The following FGFR1 variants were observed in gnomAD, a reference collection of about 807,000 sequenced individuals.
FGFR1 encodes fibroblast growth factor receptor 1.
A neutral mutation model predicts 93.7 loss-of-function variants in FGFR1; 18 were observed. The ratio of observed to expected loss-of-function variants is 0.19; its 90% CI spans 0.13 to 0.28. The LOEUF (loss-of-function observed/expected upper bound fraction) is 0.28, where lower values mean the gene tolerates loss of function less well. Among genes scored for constraint, FGFR1 ranks in the 10% least tolerant of loss-of-function variants. The pLI, the probability that FGFR1 is intolerant of heterozygous loss-of-function variation, is 1.00. For synonymous variants in FGFR1, 448 were observed against 429.3 expected, an observed-to-expected ratio of 1.04 and a Z score of -0.54; for missense variants, 731 against 1,080.4, an observed-to-expected ratio of 0.68 and a Z score of 4.53.
At chr8:38,415,767 T>C (rs1816303799) in intron 13 of FGFR1, 103 bp downstream of exon 13, 3 of 1,143,500 alleles carry the variant, frequency 2.6e-6, no homozygotes, top group East Asian at 2.5e-5. Flanking sequence ...CAGTGCTCAG[T>C]GCATCCACAA....
At chr8:38,432,402 C>T (rs897137109) in intron 2 of FGFR1, among the ~76,000 whole-genome samples, 1 of 150,676 alleles carries the variant, frequency 6.6e-6, no homozygotes, top group Non-Finnish European at 1.5e-5. Context: ...GGAACCATCT[C>T]GGGATAAATT....
Position 38,461,358 on chromosome 8 carries a change from A to G in FGFR1, c.-88-3824T>C, listed in dbSNP as rs1834363815. 15 of 543,326 alleles carry G rather than the reference A, an allele frequency of 2.8e-5. 1 individual carries two copies. The South Asian group carries it at 3.6e-4, about 13-fold the overall frequency. 33.7% of individuals were successfully genotyped at this position (543,326 alleles called of 1,614,324 possible). A position where few individuals can be genotyped will look rare whatever the true frequency, so the allele number is the denominator to read the frequency against. On this transcript the variant is annotated intron_variant, in intron 1 of 17. Coordinates refer to ENST00000447712, the MANE Select transcript of FGFR1 (RefSeq NM_023110.3). ...CAAATCTTTTTATTCTTTCTGAGAC[A>G]GAGTGTTGCTCTGTCACCCAAGCTA... is the stretch of plus-strand genomic sequence containing the variant.
At chr8:38,433,455 C>T (rs1824051263) in intron 2 of FGFR1, among the ~76,000 whole-genome samples, 1 of 152,160 alleles carries the variant, frequency 6.6e-6, no homozygotes, top group Non-Finnish European at 1.5e-5. Flanking sequence ...GGACTACAGG[C>T]ATATGCCACA....
chr8:38,439,931 C>T (rs1398835110), intron 2 of FGFR1, among the ~76,000 whole-genome samples: 2 of 152,184 alleles, frequency 1.3e-5, no homozygotes, highest in East Asian at 1.9e-4. Flanking sequence ...ACTCTACGTT[C>T]TACACTCCAA....
Position 38,414,178 on chromosome 8 carries a change from G to C in FGFR1, c.2160C>G (p.Asp720Glu), listed in dbSNP as rs756938519. ...FKLLKEGHRM[D>E]KPSNCTNELY... is the part of the protein sequence containing the mutation. The stretch of plus-strand genomic sequence containing the variant: ...GCTCGTTGGTGCAGTTACTGGGCTT[G>C]TCCATGCGGTGACCCTCCTTCAGCA... The change falls in exon 16 of 18, where the codon GAC (aspartate) becomes GAG (glutamate). Residue 720 changes from aspartate to glutamate, a missense_variant. This residue lies in a region of FGFR1 where 35 missense variants were observed against 78.0 expected (regional missense o/e 0.45). Transcript: ENST00000447712. 1.2e-6 allele frequency: 2 copies of C among 1,614,200 alleles called. No homozygotes were observed. The highest frequency in any genetic ancestry group is 2.2e-5 in the South Asian group (2 of 91,092).
In FGFR1 at chr8:38,468,493, C is replaced by T. The variant is rs1835996533; in HGVS notation, c.-601G>A. 1 of 228,616 alleles carries T rather than the reference C, an allele frequency of 4.4e-6. No individual in the cohort carries two copies. The highest frequency in any genetic ancestry group is 2.2e-5 in the African/African-American group (1 of 45,162). 14.2% of individuals were successfully genotyped at this position (228,616 alleles called of 1,614,324 possible). A position where few individuals can be genotyped will look rare whatever the true frequency, so the allele number is the denominator to read the frequency against. Reference sequence around the variant, plus strand: ...AATGCGCTACGAGGGGTCTCGGTCCCGTCCGGACGTGGCCGCCCAGCTCCC... The same window carrying T: ...AATGCGCTACGAGGGGTCTCGGTCCTGTCCGGACGTGGCCGCCCAGCTCCC... On this transcript the variant is annotated 5_prime_UTR_variant, in exon 1 of 18. Transcript: ENST00000447712.
Position 38,423,171 on chromosome 8 carries a change from G to T in FGFR1, c.937-1230C>A, listed in dbSNP as rs747250463. ...CTCCGCATCCGAGCTATTAATCCCC[G>T]AATGCTGGAACAAACCAACGACACA... On this transcript the variant is annotated intron_variant, in intron 7 of 17. Transcript: ENST00000447712. 11 of 779,082 alleles carry T rather than the reference G, an allele frequency of 1.4e-5. No homozygotes were observed. The East Asian group carries it at 2.4e-4, about 17-fold the overall frequency. 48.3% of individuals were successfully genotyped at this position (779,082 alleles called of 1,614,324 possible).
intron 2 of FGFR1, chr8:38,434,584 C>T (rs1824560171): frequency 3.9e-6 from 1 of 256,186 alleles, no homozygotes; most frequent in Non-Finnish European, 7.9e-6. Context: ...GGCATTCAAA[C>T]TGGTCCCTTC....
chr8:38,461,104 C>T (rs1219910911), intron 1 of FGFR1: 1 of 1,536,098 alleles, frequency 6.5e-7, no homozygotes, highest in African/African-American at 1.4e-5. Flanking sequence ...GCCTTGCCTC[C>T]ATCACAGGTG....
intron 2 of FGFR1, among the ~76,000 whole-genome samples, chr8:38,444,582 G>A (rs1277695271): frequency 9.4e-6 from 1 of 106,766 alleles, no homozygotes; most frequent in Non-Finnish European, 2.0e-5. Flanking sequence ...TGTAGAGACA[G>A]GGTTTTACCA....
intron 2 of FGFR1, among the ~76,000 whole-genome samples, chr8:38,433,175 A>C (rs984812270): frequency 6.6e-6 from 1 of 152,096 alleles, no homozygotes; most frequent in Non-Finnish European, 1.5e-5. Context: ...TCGTCTCTAC[A>C]AAAAAATTTA....
In FGFR1 at chr8:38,432,912, C is replaced by G. The variant is rs1424203331; in HGVS notation, c.92-2964G>C. On this transcript the variant is annotated intron_variant, in intron 2 of 17. Coordinates refer to ENST00000447712, the MANE Select transcript of FGFR1 (RefSeq NM_023110.3). Reference sequence around the variant, plus strand: ...GGGGCTGTCCCTCCCCACCGCGCCCCCCCCCCTCCCCAGTTGGGATGCTTT... The same window carrying G: ...GGGGCTGTCCCTCCCCACCGCGCCCGCCCCCCTCCCCAGTTGGGATGCTTT... 1.5e-5 allele frequency among the ~76,000 whole-genome samples: 2 copies of G among 135,348 alleles called. 1 individual carries two copies. Among genetic ancestry groups the G allele is most frequent in the Non-Finnish European group, 3.3e-5 (2 of 60,620 alleles). 88.8% of individuals were successfully genotyped at this position (135,348 alleles called of 152,430 possible). A position where few individuals can be genotyped will look rare whatever the true frequency, so the allele number is the denominator to read the frequency against.
chr8:38,414,731 G>C (rs2150557301), intron 14 of FGFR1, 48 bp downstream of exon 14: 1 of 1,613,668 alleles, frequency 6.2e-7, no homozygotes, highest in Non-Finnish European at 8.5e-7. Context: ...CCCACTCCTT[G>C]CTTCTCAGAT....
intron 2 of FGFR1, among the ~76,000 whole-genome samples, chr8:38,446,205 CTTTTTTTTTT>C (rs773129271): frequency 7.8e-6 from 1 of 127,776 alleles, no homozygotes; most frequent in Non-Finnish European, 1.6e-5. Context: ...CCTCTCCCAC[CTTTTTTTTTT>C]TTTTTTTTTT....
chr8:38,448,967 T>C (rs1830245541), intron 2 of FGFR1, among the ~76,000 whole-genome samples: 1 of 152,036 alleles, frequency 6.6e-6, no homozygotes, highest in Admixed American at 6.6e-5. Flanking sequence ...AAGGGCATGG[T>C]GGCTCATGCC....
rs1256457630 is a variant in FGFR1, at chr8:38,460,718, T to G, written c.-88-3184A>C. 5.9e-5 allele frequency among the ~76,000 whole-genome samples: 9 copies of G among 152,074 alleles called. No homozygotes were observed. The East Asian group carries it at 1.7e-3, about 29-fold the overall frequency. Reference sequence around the variant, plus strand: ...AACCTGGCCTCCTGGCACCAACTCCTGGAATAAGAAGTCAGCATACACCCC... The same window carrying G: ...AACCTGGCCTCCTGGCACCAACTCCGGGAATAAGAAGTCAGCATACACCCC... On this transcript the variant is annotated intron_variant, in intron 1 of 17. Coordinates refer to ENST00000447712, the MANE Select transcript of FGFR1 (RefSeq NM_023110.3).
chr8:38,434,047 C>T (rs1824274452), intron 2 of FGFR1, among the ~76,000 whole-genome samples: 1 of 152,224 alleles, frequency 6.6e-6, no homozygotes. Context: ...GCTTCTTTCA[C>T]TTAGCATGTG....
intron 2 of FGFR1, among the ~76,000 whole-genome samples, chr8:38,431,122 T>C (rs1822950758): frequency 6.6e-6 from 1 of 152,198 alleles, no homozygotes; most frequent in Non-Finnish European, 1.5e-5. Context: ...GTGGAGCGAC[T>C]GCCGCTCCCC....
intron 2 of FGFR1, among the ~76,000 whole-genome samples, chr8:38,442,815 T>C (rs1017157710): frequency 3.9e-5 from 6 of 152,180 alleles, no homozygotes; most frequent in Non-Finnish European, 8.8e-5. Context: ...AGGATGTGTC[T>C]TCTGGTCCCC....
Sources: gnomAD v4.1 joint callset for allele counts (sites outside exome capture counted in the v4.1 genomes callset) on GRCh38, gnomAD v4.1.1 for gene constraint, gnomAD v4.1.1 regional missense constraint, MANE v1.5 for transcripts, NCBI Gene and HGNC (gene_info 2026-07-23, HGNC 2026-07-21) for gene names.